The following ASB3 variants were observed in gnomAD, a reference collection of about 807,000 sequenced individuals.
The protein encoded by ASB3 is ankyrin repeat and SOCS box containing 3.
A neutral mutation model predicts 54.5 loss-of-function variants in ASB3; 41 were observed. The ratio of observed to expected loss-of-function variants is 0.75; its 90% CI spans 0.59 to 0.98. The LOEUF is 0.98. ASB3 is among the 50% of genes least tolerant of loss of function. The pLI is 0.00. For missense variants in ASB3, 733 were observed against 620.0 expected (o/e 1.18, Z -1.94); for synonymous variants, 266 against 221.2 (o/e 1.20, Z -1.80).
intron 9 of ASB3, among the ~76,000 whole-genome samples, chr2:53,690,712 G>A (rs768585461): frequency 9.5e-5 from 14 of 147,010 alleles, no homozygotes; most frequent in East Asian, 8.0e-4. Flanking sequence ...TTTTTTTTTC[G>A]TTTTTCTTTT....
chr2:53,719,198 C>T (rs1670562849), intron 5 of ASB3, among the ~76,000 whole-genome samples: 1 of 152,200 alleles, frequency 6.6e-6, no homozygotes, highest in African/African-American at 2.4e-5. Context: ...GCTGGGATTA[C>T]AGGCGTGAGC....
chr2:53,773,312 C>G (rs76450804), intron 1 of ASB3, among the ~76,000 whole-genome samples: 1 of 150,082 alleles, frequency 6.7e-6, no homozygotes, highest in Non-Finnish European at 1.5e-5. Context: ...GATAAAATAT[C>G]TTGCTGTGCC....
chr2:53,724,172 A>G (rs887653422), intron 5 of ASB3, among the ~76,000 whole-genome samples: 1 of 152,256 alleles, frequency 6.6e-6, no homozygotes, highest in African/African-American at 2.4e-5. Flanking sequence ...ACAGAATAGG[A>G]GAAAATATTT....
At chr2:53,708,366 T>C (rs1669905270) in intron 7 of ASB3, among the ~76,000 whole-genome samples, 2 of 152,214 alleles carry the variant, frequency 1.3e-5, no homozygotes, top group South Asian at 2.1e-4. Context: ...AACATCATGG[T>C]TCCTGTACAA....
intron 9 of ASB3, among the ~76,000 whole-genome samples, chr2:53,681,808 G>A (rs533237306): frequency 6.6e-6 from 1 of 152,192 alleles, no homozygotes; most frequent in South Asian, 2.1e-4. Flanking sequence ...CTCCAGTTTT[G>A]TTCTTTTTGC....
intron 1 of ASB3, among the ~76,000 whole-genome samples, chr2:53,782,699 G>C (rs574231180): frequency 2.0e-5 from 3 of 152,128 alleles, no homozygotes; most frequent in African/African-American, 7.2e-5. Context: ...AGGAGAGGAG[G>C]AAAGAGGCAA....
At chr2:53,784,465 T>C (rs1010447019) in intron 1 of ASB3, among the ~76,000 whole-genome samples, 2 of 152,200 alleles carry the variant, frequency 1.3e-5, no homozygotes, top group African/African-American at 4.8e-5. Flanking sequence ...CTGAGCAGCT[T>C]AGACAGCATA....
At chr2:53,780,158 A>C (rs1363212015) in intron 1 of ASB3, among the ~76,000 whole-genome samples, 2 of 152,164 alleles carry the variant, frequency 1.3e-5, no homozygotes. Context: ...AGTAATCAAA[A>C]TGTCTTCCTG....
intron 1 of ASB3, chr2:53,774,488 A>T: frequency 6.3e-7 from 1 of 1,579,404 alleles, no homozygotes; most frequent in Non-Finnish European, 8.6e-7. Flanking sequence ...TTAGTAAAGG[A>T]ACGTTTAGAA....
At chr2:53,724,002 A>G (rs1463798255) in intron 5 of ASB3, among the ~76,000 whole-genome samples, 2 of 152,172 alleles carry the variant, frequency 1.3e-5, no homozygotes, top group Non-Finnish European at 2.9e-5. Flanking sequence ...AAAAAATGAG[A>G]AAACACTGTT....
chr2:53,777,678 T>C (rs1162843424), intron 1 of ASB3, among the ~76,000 whole-genome samples: 1 of 152,184 alleles, frequency 6.6e-6, no homozygotes, highest in African/African-American at 2.4e-5. Context: ...ACATTAAACG[T>C]TGAACAATAC....
At chr2:53,756,520 G>A (rs992113920) in intron 2 of ASB3, among the ~76,000 whole-genome samples, 1 of 152,194 alleles carries the variant, frequency 6.6e-6, no homozygotes, top group African/African-American at 2.4e-5. Flanking sequence ...GTATATCCAT[G>A]AAGATGTTTC....
intron 5 of ASB3, among the ~76,000 whole-genome samples, chr2:53,726,257 AT>A (rs35225840): frequency 0.017 from 2,367 of 135,462 alleles, 18 homozygotes; most frequent in Middle Eastern, 0.03. Flanking sequence ...TTTAATCTAA[AT>A]TTTTTTTTTT....
intron 8 of ASB3, among the ~76,000 whole-genome samples, chr2:53,698,935 G>A (rs1669332080): frequency 6.6e-6 from 1 of 152,100 alleles, no homozygotes; most frequent in Non-Finnish European, 1.5e-5. Flanking sequence ...ATATTCTTAG[G>A]TAATCGTTAT....
intron 3 of ASB3, among the ~76,000 whole-genome samples, chr2:53,737,835 C>T (rs975193641): frequency 1.3e-5 from 2 of 151,576 alleles, no homozygotes; most frequent in Admixed American, 6.6e-5. Flanking sequence ...TATAGTATAC[C>T]CTGAATTTTT....
chr2:53,767,781 G>A lies in ASB3; in HGVS notation c.-13-2196C>T, dbSNP rs1023709374. On this transcript the variant is annotated intron_variant, in intron 1 of 9. Transcript: ENST00000263634. ...GCTTTGCGCCCCAAGTGGCCATCGCGCCTGCGCCCCGCGCGGCCGGTTACT... is the reference window on the plus strand; with the variant it reads ...GCTTTGCGCCCCAAGTGGCCATCGCACCTGCGCCCCGCGCGGCCGGTTACT... The A allele has an allele frequency of 3.0e-5, 43 of 1,436,208 alleles. No individual in the cohort carries two copies. In the African/African-American group the frequency reaches 4.0e-4, roughly 13 times the overall value. The allele number at this position is 1,436,208 out of a possible 1,614,324, so 89.0% of individuals were successfully genotyped here.
At chr2:53,771,882 AT>A (rs746728169) in intron 1 of ASB3, 384 of 1,470,720 alleles carry the variant, frequency 2.6e-4, no homozygotes, top group Admixed American at 7.7e-4. Flanking sequence ...ATTCAGAAAA[AT>A]TTTTTTTTAC....
chr2:53,784,595 G>T (rs147336650), intron 1 of ASB3, among the ~76,000 whole-genome samples: 1 of 152,298 alleles, frequency 6.6e-6, no homozygotes, highest in East Asian at 1.9e-4. Context: ...AGCTTGTGGT[G>T]ATTACTGGCA....
At chr2:53,761,812 T>C (rs1673164230) in intron 2 of ASB3, among the ~76,000 whole-genome samples, 1 of 152,208 alleles carries the variant, frequency 6.6e-6, no homozygotes, top group East Asian at 1.9e-4. Flanking sequence ...GTAATTGCAC[T>C]TCTAAAACTC....
Sources: gnomAD v4.1 joint callset for allele counts (sites outside exome capture counted in the v4.1 genomes callset) on GRCh38, gnomAD v4.1.1 for gene constraint, MANE v1.5 for transcripts, NCBI Gene and HGNC (gene_info 2026-07-23, HGNC 2026-07-21) for gene names.